KIAA0825: variants seen among roughly 807,000 people sequenced by gnomAD.
KIAA0825 encodes KIAA0825.
A neutral mutation model predicts 147.6 loss-of-function variants in KIAA0825; 119 were observed. The observed-to-expected ratio is 0.81, with a 90% CI of 0.69 to 0.94. The LOEUF is 0.94. Among genes scored for constraint, KIAA0825 ranks in the 40% least tolerant of loss-of-function variants. KIAA0825 has a pLI of 0.00. For synonymous variants in KIAA0825, 470 were observed against 518.1 expected (o/e 0.91, Z 1.26); for missense variants, 1,381 against 1,472.7 (o/e 0.94, Z 1.02).
chr5:94,361,341 C>T (rs1244648320), intron 20 of KIAA0825, among the ~76,000 whole-genome samples: 1 of 152,188 alleles, frequency 6.6e-6, no homozygotes, highest in Non-Finnish European at 1.5e-5. Flanking sequence ...TACCAAAAGA[C>T]AGATTAGTCA....
intron 20 of KIAA0825, among the ~76,000 whole-genome samples, chr5:94,166,500 GGTT>G (rs1768045823): frequency 7.3e-6 from 1 of 137,168 alleles, no homozygotes; most frequent in African/African-American, 2.6e-5. Context: ...CCTTCCTCTT[GGTT>G]GTTTTTTTTT....
intron 5 of KIAA0825, among the ~76,000 whole-genome samples, chr5:94,487,095 T>G (rs1302075582): frequency 1.3e-5 from 2 of 152,208 alleles, no homozygotes; most frequent in Non-Finnish European, 2.9e-5. Context: ...CTGACAATTA[T>G]GCGAGGTCTG....
At chr5:94,572,086 G>A (rs1249286654) in intron 2 of KIAA0825, among the ~76,000 whole-genome samples, 2 of 146,040 alleles carry the variant, frequency 1.4e-5, no homozygotes, top group Non-Finnish European at 3.0e-5. Context: ...GCAACATAGT[G>A]AGACTCTATC....
chr5:94,458,437 AG>A (rs1759401691), intron 12 of KIAA0825, among the ~76,000 whole-genome samples: 1 of 152,188 alleles, frequency 6.6e-6, no homozygotes, highest in African/African-American at 2.4e-5. Context: ...AGACAGCCAA[AG>A]GGCAGGTTGA....
intron 20 of KIAA0825, among the ~76,000 whole-genome samples, chr5:94,339,430 G>A (rs1467631508): frequency 6.6e-6 from 1 of 152,052 alleles, no homozygotes; most frequent in East Asian, 1.9e-4. Flanking sequence ...CATTGACTTG[G>A]GAGTTGTGGT....
chr5:94,220,649 C>T (rs868078310), intron 20 of KIAA0825, among the ~76,000 whole-genome samples: 3 of 152,024 alleles, frequency 2.0e-5, no homozygotes, highest in Non-Finnish European at 4.4e-5. Flanking sequence ...ATATAAACAG[C>T]ATATATAAAT....
In KIAA0825 at chr5:94,152,112, T is replaced by C. The variant is rs1363187987; in HGVS notation, c.*1895A>G. On this transcript the variant is annotated 3_prime_UTR_variant, in exon 21 of 21. Coordinates refer to ENST00000682413, the MANE Select transcript of KIAA0825 (RefSeq NM_001145678.3). ...GATTATACTGGCCAACTAAAGTACA[T>C]TTTTTAAAAATAAAATGTGTTATTT... Among the ~76,000 whole-genome samples the C allele has an allele frequency of 8.5e-5, 13 of 152,210 alleles. No individual in the cohort carries two copies. Among genetic ancestry groups the C allele is most frequent in the Non-Finnish European group, 1.5e-4 (10 of 68,034 alleles).
intron 1 of KIAA0825, among the ~76,000 whole-genome samples, chr5:94,596,591 A>G (rs1785359316): frequency 6.6e-6 from 1 of 152,204 alleles, no homozygotes; most frequent in African/African-American, 2.4e-5. Context: ...ATTTTAAAAT[A>G]GTTTTTTTCT....
intron 1 of KIAA0825, among the ~76,000 whole-genome samples, chr5:94,591,540 A>G (rs1325142483): frequency 2.6e-5 from 4 of 152,252 alleles, no homozygotes; most frequent in African/African-American, 7.2e-5. Flanking sequence ...CATACTGATC[A>G]TTACCAACCT....
intron 20 of KIAA0825, among the ~76,000 whole-genome samples, chr5:94,337,330 G>A (rs1781915849): frequency 6.6e-6 from 1 of 152,088 alleles, no homozygotes; most frequent in Admixed American, 6.6e-5. Flanking sequence ...TGTGAATTTT[G>A]TAATTTGTCC....
At chr5:94,505,131 G>A (rs1335665630) in intron 5 of KIAA0825, among the ~76,000 whole-genome samples, 2 of 151,830 alleles carry the variant, frequency 1.3e-5, no homozygotes, top group Non-Finnish European at 2.9e-5. Context: ...AGGCTGAAGT[G>A]GGTGGATCAC....
intron 20 of KIAA0825, among the ~76,000 whole-genome samples, chr5:94,262,333 A>G (rs1776536158): frequency 6.6e-6 from 1 of 152,130 alleles, no homozygotes; most frequent in South Asian, 2.1e-4. Context: ...TATATAAATT[A>G]GCATAGCCTC....
intron 20 of KIAA0825, among the ~76,000 whole-genome samples, chr5:94,360,403 A>C (rs1338480536): frequency 6.6e-6 from 1 of 152,190 alleles, no homozygotes; most frequent in Non-Finnish European, 1.5e-5. Flanking sequence ...GAGTAAAATA[A>C]GGCTGAGACC....
Position 94,432,661 on chromosome 5 carries a change from A to T in KIAA0825, c.2497+7321T>A, listed in dbSNP as rs111441901. 1.5e-3 allele frequency among the ~76,000 whole-genome samples: 233 copies of T among 152,296 alleles called. 1 individual carries two copies. The highest frequency in any genetic ancestry group is 5.3e-3 in the African/African-American group (220 of 41,564). ...ACTGGCAAAAGCAGCCTATGACATC[A>T]TTGTTATGTTGGCTAACAATGGGTT... On this transcript the variant is annotated intron_variant, in intron 14 of 20. Coordinates refer to ENST00000682413, the MANE Select transcript of KIAA0825 (RefSeq NM_001145678.3).
intron 1 of KIAA0825, among the ~76,000 whole-genome samples, chr5:94,616,531 C>A (rs1468758533): frequency 6.6e-6 from 1 of 150,808 alleles, no homozygotes; most frequent in South Asian, 2.1e-4. Flanking sequence ...TTTCTCCCTA[C>A]ACACACACAC....
intron 14 of KIAA0825, among the ~76,000 whole-genome samples, chr5:94,420,286 G>C (rs894724232): frequency 1.3e-5 from 2 of 152,112 alleles, no homozygotes; most frequent in African/African-American, 4.8e-5. Flanking sequence ...TATGGAATGG[G>C]TGCTAATTTT....
chr5:94,554,793 GATA>G (rs1333597092), intron 2 of KIAA0825, among the ~76,000 whole-genome samples: 1 of 124,858 alleles, frequency 8.0e-6, no homozygotes, highest in Non-Finnish European at 1.7e-5. Context: ...TAAACAGATA[GATA>G]ATATTATAAT....
chr5:94,452,326 T>C (rs528187927), intron 13 of KIAA0825, among the ~76,000 whole-genome samples: 1 of 152,350 alleles, frequency 6.6e-6, no homozygotes, highest in South Asian at 2.1e-4. Context: ...TGATAGTGTA[T>C]TTCCAAGATG....
At chr5:94,472,481 C>G (rs1761327567) in intron 8 of KIAA0825, among the ~76,000 whole-genome samples, 1 of 152,170 alleles carries the variant, frequency 6.6e-6, no homozygotes, top group African/African-American at 2.4e-5. Context: ...CGCGGTGGCT[C>G]ACGCCTGTAA....
Sources: gnomAD v4.1 joint callset for allele counts (sites outside exome capture counted in the v4.1 genomes callset) on GRCh38, gnomAD v4.1.1 for gene constraint, MANE v1.5 for transcripts, NCBI Gene and HGNC (gene_info 2026-07-23, HGNC 2026-07-21) for gene names.